The following GRIN2B variants were observed in gnomAD, a reference collection of about 807,000 sequenced individuals.
The protein encoded by GRIN2B is glutamate ionotropic receptor NMDA type subunit 2B.
GRIN2B carries 5 observed loss-of-function variants against 114.5 expected under a neutral mutation model. That is an observed-to-expected ratio of 0.04 (90% confidence interval 0.02 to 0.09). The LOEUF is 0.09. GRIN2B is among the 10% of genes least tolerant of loss of function. The pLI is 1.00. For synonymous variants in GRIN2B, 787 were observed against 745.1 expected (o/e 1.06, Z -0.92); for missense variants, 1,108 against 1,943.5 (o/e 0.57, Z 8.08).
chr12:13,692,662 C>A (rs1234760201), intron 4 of GRIN2B, among the ~76,000 whole-genome samples: 1 of 151,624 alleles, frequency 6.6e-6, no homozygotes, highest in Non-Finnish European at 1.5e-5. Context: ...CAGTGTTCAC[C>A]TTGACCCTCA....
chr12:13,828,509 A>G (rs888458251), intron 3 of GRIN2B, among the ~76,000 whole-genome samples: 7 of 152,168 alleles, frequency 4.6e-5, no homozygotes. Flanking sequence ...TAGGAATTCC[A>G]TCCCACAAAA....
chr12:13,848,209 C>A (rs891275350), intron 3 of GRIN2B, among the ~76,000 whole-genome samples: 2 of 152,174 alleles, frequency 1.3e-5, no homozygotes, highest in Non-Finnish European at 2.9e-5. Flanking sequence ...AATGGGGTAT[C>A]TGAAATTCCA....
intron 4 of GRIN2B, among the ~76,000 whole-genome samples, chr12:13,732,176 G>A (rs1472840836): frequency 6.7e-6 from 1 of 149,280 alleles, no homozygotes. Context: ...TTTTTTGGAT[G>A]AGAAAACAGA....
At chr12:13,841,336 C>G (rs1865376254) in intron 3 of GRIN2B, among the ~76,000 whole-genome samples, 1 of 152,166 alleles carries the variant, frequency 6.6e-6, no homozygotes, top group South Asian at 2.1e-4. Context: ...TATAAACTTC[C>G]AACCAGAAAG....
intron 4 of GRIN2B, among the ~76,000 whole-genome samples, chr12:13,733,766 T>A (rs1370447457): frequency 6.6e-6 from 1 of 152,140 alleles, no homozygotes; most frequent in Admixed American, 6.5e-5. Context: ...GAAAGAAACA[T>A]AGAAGTTCAA....
At chr12:13,619,632 C>G (rs578056106) in intron 5 of GRIN2B, among the ~76,000 whole-genome samples, 1 of 152,372 alleles carries the variant, frequency 6.6e-6, no homozygotes, top group East Asian at 1.9e-4. Flanking sequence ...CGATTCTGTG[C>G]CAGGCACTGG....
chr12:13,876,460 C>T (rs79135522), intron 2 of GRIN2B, among the ~76,000 whole-genome samples: 313 of 152,290 alleles, frequency 2.1e-3, no homozygotes, highest in African/African-American at 7.1e-3. Context: ...CACCTCCTTC[C>T]CTGGCTTTAG....
intron 3 of GRIN2B, among the ~76,000 whole-genome samples, chr12:13,830,837 T>C (rs1865131921): frequency 6.6e-6 from 1 of 152,210 alleles, no homozygotes; most frequent in African/African-American, 2.4e-5. Context: ...TCAATGCATA[T>C]AACATCGTGG....
intron 2 of GRIN2B, among the ~76,000 whole-genome samples, chr12:13,932,577 T>A (rs1867053211): frequency 6.6e-6 from 1 of 152,162 alleles, no homozygotes; most frequent in Admixed American, 6.5e-5. Flanking sequence ...TCAGATGTAT[T>A]AAGCATTCAA....
intron 3 of GRIN2B, among the ~76,000 whole-genome samples, chr12:13,757,590 A>C (rs983541892): frequency 6.6e-6 from 1 of 152,202 alleles, no homozygotes; most frequent in Non-Finnish European, 1.5e-5. Context: ...GTTGACATGC[A>C]GGGGTCCTTG....
intron 3 of GRIN2B, among the ~76,000 whole-genome samples, chr12:13,855,223 A>G (rs913347770): frequency 6.6e-6 from 1 of 152,218 alleles, no homozygotes; most frequent in African/African-American, 2.4e-5. Context: ...GTTGAAAGAA[A>G]GAAAAGAGAC....
In GRIN2B at chr12:13,670,990, G is replaced by A. The variant is rs184476742; in HGVS notation, c.1125+4755C>T. Among the ~76,000 whole-genome samples the A allele has an allele frequency of 5.6e-4, 85 of 152,188 alleles. No individual in the cohort carries two copies. The South Asian group carries it at 8.5e-3, about 15-fold the overall frequency. ...AAATGTATCAAATCTGTAAATGTTTGGAGTATTTTCAGAGGAGTACATAAG... is the reference window on the plus strand; with the variant it reads ...AAATGTATCAAATCTGTAAATGTTTAGAGTATTTTCAGAGGAGTACATAAG... On this transcript the variant is annotated intron_variant, in intron 5 of 13. Transcript: ENST00000609686.
chr12:13,782,178 CAT>C (rs1172753048), intron 3 of GRIN2B, among the ~76,000 whole-genome samples: 1 of 152,068 alleles, frequency 6.6e-6, no homozygotes, highest in Admixed American at 6.5e-5. Flanking sequence ...AATTAGAAAG[CAT>C]ATGTCAGTCA....
At chr12:13,778,758 A>C (rs1864052036) in intron 3 of GRIN2B, among the ~76,000 whole-genome samples, 1 of 152,084 alleles carries the variant, frequency 6.6e-6, no homozygotes, top group Non-Finnish European at 1.5e-5. Flanking sequence ...ATCACCTGAA[A>C]CCCGTACTTT....
At chr12:13,603,131 T>C (rs1049208693) in intron 10 of GRIN2B, among the ~76,000 whole-genome samples, 7 of 152,202 alleles carry the variant, frequency 4.6e-5, no homozygotes, top group African/African-American at 1.7e-4. Context: ...ATACACAGGC[T>C]AAAGTCAATT....
chr12:13,812,719 A>G (rs2136685608), intron 3 of GRIN2B, among the ~76,000 whole-genome samples: 1 of 152,284 alleles, frequency 6.6e-6, no homozygotes, highest in Non-Finnish European at 1.5e-5. Flanking sequence ...AAGAAAATGA[A>G]AGGTAAGATC....
At chr12:13,855,049 G>GAAAAAAAAAAAAAAAAAA (rs3082840) in intron 3 of GRIN2B, among the ~76,000 whole-genome samples, 5 of 88,012 alleles carry the variant, frequency 5.7e-5, no homozygotes, top group African/African-American at 9.7e-5. Flanking sequence ...CATCTCTACT[G>GAAAAAAAAAAAAAAAAAA]AAAAAAAAAA....
chr12:13,642,148 A>C (rs962666169), intron 5 of GRIN2B, among the ~76,000 whole-genome samples: 1 of 152,158 alleles, frequency 6.6e-6, no homozygotes, highest in African/African-American at 2.4e-5. Context: ...AGATCACGCC[A>C]CTGCACTCCA....
At chr12:13,656,080 T>C (rs926969920) in intron 5 of GRIN2B, among the ~76,000 whole-genome samples, 2 of 152,228 alleles carry the variant, frequency 1.3e-5, no homozygotes, top group Non-Finnish European at 2.9e-5. Context: ...TCCACTCATC[T>C]TCCTCAATCT....
Sources: allele counts gnomAD v4.1 joint callset (sites outside exome capture counted in the v4.1 genomes callset), GRCh38; gene constraint gnomAD v4.1.1; transcripts MANE v1.5; gene names NCBI Gene and HGNC (gene_info 2026-07-23, HGNC 2026-07-21).